Variants in SLC2A3 observed in about 807,000 individuals in gnomAD.
The protein encoded by SLC2A3 is solute carrier family 2 member 3, also known as solute carrier family 2, facilitated glucose transporter member 3.
In SLC2A3, 21 loss-of-function variants were observed where a neutral mutation model predicts 46.4. The observed-to-expected ratio is 0.45, with a 90% confidence interval of 0.32 to 0.65. The LOEUF is 0.65. SLC2A3 is among the 30% of genes least tolerant of loss of function. SLC2A3 has a pLI of 0.04. For synonymous variants in SLC2A3, 213 were observed against 239.4 expected, an observed-to-expected ratio of 0.89 and a Z score of 1.02; for missense variants, 499 against 623.3, an observed-to-expected ratio of 0.80 and a Z score of 2.12.
chr12:7,928,396 T>TC (rs1946117178), intron 6 of SLC2A3, among the ~76,000 whole-genome samples: 2 of 149,720 alleles, frequency 1.3e-5, no homozygotes, highest in Non-Finnish European at 3.0e-5. Context: ...AGACTCTGTT[T>TC]CAAAAAAAAA....
chr12:7,931,126 T>G (rs1429453895), intron 4 of SLC2A3, 119 bp downstream of exon 4: 1 of 1,496,702 alleles, frequency 6.7e-7, no homozygotes, highest in Non-Finnish European at 9.0e-7. Flanking sequence ...CTATCTATTA[T>G]CTAAAACTTC....
At chr12:7,934,432 T>C (rs1185754593) in intron 1 of SLC2A3, among the ~76,000 whole-genome samples, 1 of 152,086 alleles carries the variant, frequency 6.6e-6, no homozygotes, top group Non-Finnish European at 1.5e-5. Flanking sequence ...CTGGATCTAC[T>C]CACTGCATCC....
chr12:7,932,877 T>C, intron 3 of SLC2A3, 110 bp downstream of exon 3: 1 of 1,462,396 alleles, frequency 6.8e-7, no homozygotes, highest in Non-Finnish European at 9.3e-7. Flanking sequence ...TTGATTAGAA[T>C]TCAAGGTGTT....
Position 7,925,853 on chromosome 12 carries a change from A to G in SLC2A3, c.957T>C (p.Thr319=), listed in dbSNP as rs781455028. ...AAACCATCCAACTTACAGAAACTAC[A>G]GTGAAGATAGTATTAACCACACCCG... ...IGAGVVNTIF[T]VVSLFLVERA... is the part of the protein sequence containing the mutation. Residue 319 remains threonine, a synonymous_variant, in exon 7 of 10, where the codon ACT becomes ACC. Transcript: ENST00000075120. 7 of 1,611,768 alleles carry G rather than the reference A, an allele frequency of 4.3e-6. No individual in the cohort carries two copies. The South Asian group carries it at 6.6e-5, about 15-fold the overall frequency.
In SLC2A3 at chr12:7,929,960, C is replaced by T. The variant is rs372746187; in HGVS notation, c.674-89G>A. On this transcript the variant is annotated intron_variant, in intron 5 of 9. Coordinates refer to ENST00000075120, the MANE Select transcript of SLC2A3 (RefSeq NM_006931.3). The stretch of plus-strand genomic sequence containing the variant: ...GTAAGGCAGCCAGGAAAGGGCCGCA[C>T]GAGGTGAGGTGATGGGTAGCATCCA... 144 of 1,563,164 alleles carry T rather than the reference C, an allele frequency of 9.2e-5. No homozygotes were observed. The African/African-American group carries it at 1.2e-3, about 13-fold the overall frequency.
chr12:7,933,070 G>C lies in SLC2A3; in HGVS notation c.186C>G (p.Leu62=). The C allele has an allele frequency of 6.2e-7, 1 of 1,614,128 alleles. No individual in the cohort carries two copies. The highest frequency in any genetic ancestry group is 1.1e-5 in the South Asian group (1 of 91,078). Residue 62 remains leucine (L), a synonymous_variant, in exon 3 of 10, where the codon CTC becomes CTG. Coordinates refer to ENST00000075120, the MANE Select transcript of SLC2A3 (RefSeq NM_006931.3). ...APPSEVLLTS[L]WSLSVAIFSV... ...AAAATATGGCCACAGACAAGGACCA[G>C]AGAGACGTGAGCAGCACCTCAGAGG...
chr12:7,927,149 A>G (rs943138128), intron 6 of SLC2A3, among the ~76,000 whole-genome samples: 1 of 152,132 alleles, frequency 6.6e-6, no homozygotes, highest in African/African-American at 2.4e-5. Context: ...ATGTATATTC[A>G]TATTTTCTAA....
At chr12:7,928,838 T>A (rs1187521354) in intron 6 of SLC2A3, among the ~76,000 whole-genome samples, 1 of 152,032 alleles carries the variant, frequency 6.6e-6, no homozygotes, top group Non-Finnish European at 1.5e-5. Flanking sequence ...CAAGTTTTTT[T>A]TTTAAAGACA....
At chr12:7,933,372 C>G (rs778990574) in intron 2 of SLC2A3, 16 of 617,638 alleles carry the variant, frequency 2.6e-5, no homozygotes, top group Non-Finnish European at 4.1e-5. Context: ...CAGTCTACCC[C>G]AGCCCTCTGC....
At position 7,920,638 on chromosome 12, in the gene SLC2A3, C is replaced by T. The variant is rs761265914; in HGVS notation, c.*775G>A. 8 of 152,194 alleles carry T rather than the reference C, an allele frequency of 5.3e-5. No homozygotes were observed. Among genetic ancestry groups the T allele is most frequent in the South Asian group, 2.1e-4 (1 of 4,818 alleles). The allele number at this position is 152,194 out of a possible 1,614,324, so 9.4% of individuals were successfully genotyped here. A position where few individuals can be genotyped will look rare whatever the true frequency, so the allele number is the denominator to read the frequency against. ...AAGGACAGAAATTGTTAAGAGGTAA[C>T]GTACAGACCTCAGGCACCACATCAT... On this transcript the variant is annotated 3_prime_UTR_variant, in exon 10 of 10. Coordinates refer to ENST00000075120, the MANE Select transcript of SLC2A3 (RefSeq NM_006931.3).
Position 7,920,329 on chromosome 12 carries a change from G to A in SLC2A3, c.*1084C>T, listed in dbSNP as rs1243644754. The A allele has an allele frequency of 1.3e-5, 2 of 152,002 alleles. No individual in the cohort carries two copies. The highest frequency in any genetic ancestry group is 3.9e-4 in the East Asian group (2 of 5,194). The allele number at this position is 152,002 out of a possible 1,614,324, so 9.4% of individuals were successfully genotyped here. A position where few individuals can be genotyped will look rare whatever the true frequency, so the allele number is the denominator to read the frequency against. Reference sequence around the variant, plus strand: ...TTTGGATGGCTCTCCCACGAGATAGGTGGCGGGATTACTTCAAAAGTAATG... The same window carrying A: ...TTTGGATGGCTCTCCCACGAGATAGATGGCGGGATTACTTCAAAAGTAATG... On this transcript the variant is annotated 3_prime_UTR_variant, in exon 10 of 10. Coordinates refer to ENST00000075120, the MANE Select transcript of SLC2A3 (RefSeq NM_006931.3).
chr12:7,921,599 G>A lies in SLC2A3; in HGVS notation c.1305C>T (p.Phe435=), dbSNP rs778541230. ...HYLGAYVFII[F]TGFLITFLAF... is the part of the protein sequence containing the mutation. ...CCAAGAAGGTAATGAGGAAGCCGGTGAAGATAATAAAAACGTAGGCTCCTA... is the reference window on the plus strand; with the variant it reads ...CCAAGAAGGTAATGAGGAAGCCGGTAAAGATAATAAAAACGTAGGCTCCTA... The change falls in exon 10 of 10, where the codon TTC becomes TTT. Residue 435 remains phenylalanine (F), a synonymous_variant. Coordinates refer to ENST00000075120, the MANE Select transcript of SLC2A3 (RefSeq NM_006931.3). 6.2e-7 allele frequency: 1 copy of A among 1,613,932 alleles called. No individual in the cohort carries two copies. The highest frequency in any genetic ancestry group is 1.1e-5 in the South Asian group (1 of 91,072).
chr12:7,922,794 G>T, intron 9 of SLC2A3, 27 bp downstream of exon 9: 2 of 1,613,708 alleles, frequency 1.2e-6, no homozygotes, highest in Non-Finnish European at 1.7e-6. Flanking sequence ...ACATAGGCTG[G>T]TTTTAAGATA....
chr12:7,934,334 C>T (rs1241924576), intron 1 of SLC2A3, among the ~76,000 whole-genome samples: 1 of 152,022 alleles, frequency 6.6e-6, no homozygotes, highest in Non-Finnish European at 1.5e-5. Context: ...CACGGAAGCC[C>T]ACTGGTGGTG....
chr12:7,923,137 G>C (rs1946056469), intron 8 of SLC2A3, 113 bp from the exon 9 acceptor site: 2 of 1,007,906 alleles, frequency 2.0e-6, no homozygotes, highest in Non-Finnish European at 2.9e-6. Context: ...ACAATACAAA[G>C]AGTGGCTGTG....
chr12:7,933,991 A>G, intron 1 of SLC2A3, 89 bp from the exon 2 acceptor site: 1 of 1,276,260 alleles, frequency 7.8e-7, no homozygotes, highest in South Asian at 1.3e-5. Flanking sequence ...GTATTAGGAG[A>G]ATTTGAGTTA....
chr12:7,921,879 T>C (rs1351526244), intron 9 of SLC2A3, among the ~76,000 whole-genome samples: 1 of 152,154 alleles, frequency 6.6e-6, no homozygotes, highest in Admixed American at 6.6e-5. Flanking sequence ...TTTTTGGACT[T>C]TTGAGTATTA....
At chr12:7,933,700 A>G (rs1267314391) in intron 2 of SLC2A3, 110 bp downstream of exon 2, 1 of 1,143,276 alleles carries the variant, frequency 8.7e-7, no homozygotes, top group East Asian at 2.4e-5. Context: ...AGTAGCTGGG[A>G]CTCCAGGCAG....
intron 5 of SLC2A3, 47 bp downstream of exon 5, chr12:7,930,432 CA>C (rs1565604294): frequency 1.3e-6 from 2 of 1,573,010 alleles, no homozygotes; most frequent in Admixed American, 1.7e-5. Context: ...ATCCCTAAAA[CA>C]AACCACAACC....
Sources: gnomAD v4.1 joint callset for allele counts (sites outside exome capture counted in the v4.1 genomes callset) on GRCh38, gnomAD v4.1.1 for gene constraint, MANE v1.5 for transcripts, NCBI Gene and HGNC (gene_info 2026-07-23, HGNC 2026-07-21) for gene names.